The following PATJ variants were observed in gnomAD, a reference collection of about 807,000 sequenced individuals.
PATJ encodes PATJ crumbs cell polarity complex component.
A neutral mutation model predicts 224.9 loss-of-function variants in PATJ; 190 were observed. That is an observed-to-expected ratio of 0.84 (90% confidence interval 0.75 to 0.95). The LOEUF (loss-of-function observed/expected upper bound fraction) is 0.95, where lower values mean the gene tolerates loss of function less well. Ranked by LOEUF, PATJ falls within the 40% of genes least tolerant of loss-of-function variation. PATJ has a pLI of 0.00. For synonymous variants in PATJ, 769 were observed against 820.3 expected (o/e 0.94, Z 1.07); for missense variants, 2,121 against 2,270.3 (o/e 0.93, Z 1.34).
intron 17 of PATJ, among the ~76,000 whole-genome samples, chr1:61,853,709 C>T (rs1254573343): frequency 1.3e-5 from 2 of 152,052 alleles, no homozygotes; most frequent in Non-Finnish European, 2.9e-5. Context: ...TTTATATTAC[C>T]ACGTCGATTG....
chr1:61,983,440 G>A (rs1644557394), intron 27 of PATJ, among the ~76,000 whole-genome samples: 1 of 151,990 alleles, frequency 6.6e-6, no homozygotes, highest in Non-Finnish European at 1.5e-5. Context: ...GTAGTAATTT[G>A]TTTTTCTAGT....
intron 1 of PATJ, among the ~76,000 whole-genome samples, chr1:61,754,508 A>C (rs867972180): frequency 1.5e-4 from 21 of 143,340 alleles, no homozygotes; most frequent in African/African-American, 1.0e-4. Context: ...ATGCCTGGCT[A>C]ATTTTTTGCA....
intron 39 of PATJ, among the ~76,000 whole-genome samples, chr1:62,124,106 A>G (rs1665423476): frequency 6.6e-6 from 1 of 151,766 alleles, no homozygotes; most frequent in Non-Finnish European, 1.5e-5. Flanking sequence ...TCTTTTTGAG[A>G]TGGAGTCACC....
intron 35 of PATJ, chr1:62,114,477 C>A: frequency 2.2e-6 from 1 of 451,714 alleles, no homozygotes; most frequent in African/African-American, 2.0e-5. Context: ...TATTTCTGTA[C>A]AGAGTAAGAA....
chr1:61,937,363 G>T (rs1300927660), intron 27 of PATJ, among the ~76,000 whole-genome samples: 1 of 152,094 alleles, frequency 6.6e-6, no homozygotes, highest in Non-Finnish European at 1.5e-5. Flanking sequence ...CTCCTGAGTA[G>T]CTGGGACTAC....
chr1:61,834,265 C>T (rs1277342239), intron 17 of PATJ, among the ~76,000 whole-genome samples: 1 of 152,216 alleles, frequency 6.6e-6, no homozygotes, highest in East Asian at 1.9e-4. Context: ...TCTCCCTCCC[C>T]TTCACATGAA....
chr1:62,137,955 C>A (rs1667124326), intron 41 of PATJ, among the ~76,000 whole-genome samples: 1 of 152,088 alleles, frequency 6.6e-6, no homozygotes, highest in Non-Finnish European at 1.5e-5. Flanking sequence ...ACAGTCTCCT[C>A]TTCCTCGGAT....
chr1:61,954,143 A>G lies in PATJ; in HGVS notation c.3670+26314A>G, dbSNP rs1680100786. Among the ~76,000 whole-genome samples the G allele has an allele frequency of 3.3e-5, 5 of 152,306 alleles. No homozygotes were observed. In the South Asian group the frequency reaches 1.0e-3, roughly 32 times the overall value. ...TCAGGATTGATTTTCTATAATCAGT[A>G]TTTTCAACATTTATTAAAAGCTTCT... On this transcript the variant is annotated intron_variant, in intron 27 of 43. Coordinates refer to ENST00000642238, the MANE Select transcript of PATJ (RefSeq NM_001350145.3).
chr1:61,923,422 A>G (rs1557881837), intron 26 of PATJ, among the ~76,000 whole-genome samples: 2 of 152,128 alleles, frequency 1.3e-5, no homozygotes, highest in Non-Finnish European at 2.9e-5. Context: ...TTGGGAGCGT[A>G]CTCTTTTCAA....
At chr1:61,812,224 A>T (rs1018769786) in intron 14 of PATJ, among the ~76,000 whole-genome samples, 1 of 152,042 alleles carries the variant, frequency 6.6e-6, no homozygotes, top group Non-Finnish European at 1.5e-5. Context: ...TTGTTTGGGT[A>T]TATCTCTTGT....
chr1:62,020,814 AATTCATTC>A (rs753127890), intron 29 of PATJ, among the ~76,000 whole-genome samples: 1 of 152,038 alleles, frequency 6.6e-6, no homozygotes, highest in African/African-American at 2.4e-5. Flanking sequence ...AAAGAACAGA[AATTCATTC>A]ATTCATTCAT....
At chr1:61,956,726 A>G (rs2149405324) in intron 27 of PATJ, among the ~76,000 whole-genome samples, 1 of 152,352 alleles carries the variant, frequency 6.6e-6, no homozygotes, top group African/African-American at 2.4e-5. Flanking sequence ...GAAGTCTTTG[A>G]AAACAGCTCT....
At chr1:62,085,930 C>T (rs769146684) in intron 33 of PATJ, among the ~76,000 whole-genome samples, 3 of 150,060 alleles carry the variant, frequency 2.0e-5, no homozygotes, top group Admixed American at 6.6e-5. Flanking sequence ...TTTTAGAAGT[C>T]GGTGTAGAAT....
chr1:61,903,931 C>G (rs1210234662), intron 24 of PATJ, among the ~76,000 whole-genome samples: 2 of 152,002 alleles, frequency 1.3e-5, no homozygotes, highest in Non-Finnish European at 1.5e-5. Context: ...CACCACCACG[C>G]CCGGCTAATT....
chr1:61,884,468 T>A (rs1668543064), intron 22 of PATJ, 60 bp downstream of exon 22: 1 of 1,059,228 alleles, frequency 9.4e-7, no homozygotes, highest in Admixed American at 3.1e-5. Context: ...TTTTTTTTTT[T>A]TTTTTGCTTA....
At chr1:61,995,181 G>A (rs953592361) in intron 28 of PATJ, among the ~76,000 whole-genome samples, 3 of 152,124 alleles carry the variant, frequency 2.0e-5, no homozygotes, top group Non-Finnish European at 2.9e-5. Flanking sequence ...TTGCAAGTGG[G>A]CTTTTAGATT....
chr1:62,081,828 A>C (rs369418740), intron 32 of PATJ, among the ~76,000 whole-genome samples: 2 of 152,298 alleles, frequency 1.3e-5, no homozygotes, highest in Admixed American at 6.5e-5. Context: ...CAGCCTCCCA[A>C]AGTGCTGAGG....
chr1:62,072,674 T>G (rs1007461752), intron 31 of PATJ: 2 of 148,692 alleles, frequency 1.3e-5, no homozygotes, highest in African/African-American at 5.0e-5. Context: ...CTGTGCTGAT[T>G]AGCAGTGAGA....
chr1:61,800,775 T>C (rs1381582128), intron 11 of PATJ, among the ~76,000 whole-genome samples: 1 of 152,024 alleles, frequency 6.6e-6, no homozygotes, highest in African/African-American at 2.4e-5. Context: ...TTCCCCACCC[T>C]GTGTCCAAGT....
Sources: allele counts gnomAD v4.1 joint callset (sites outside exome capture counted in the v4.1 genomes callset), GRCh38; gene constraint gnomAD v4.1.1; transcripts MANE v1.5; gene names NCBI Gene and HGNC (gene_info 2026-07-23, HGNC 2026-07-21).